SELENOO: variants seen among roughly 807,000 people sequenced by gnomAD.
SELENOO encodes the protein selenoprotein O.
In SELENOO, 74 loss-of-function variants were observed where a neutral mutation model predicts 58.7. That is an observed-to-expected ratio of 1.26 (90% confidence interval 1.04 to 1.53). The LOEUF is 1.53. Ranked by LOEUF, SELENOO falls within the 40% of genes most tolerant of loss-of-function variation. SELENOO has a pLI of 0.00. For missense variants in SELENOO, 1,149 were observed against 970.0 expected (o/e 1.18, Z -2.45); for synonymous variants, 543 against 453.2 (o/e 1.20, Z -2.52).
At chr22:50,206,685 G>A (rs968623488) in intron 2 of SELENOO, among the ~76,000 whole-genome samples, 165 bp downstream of exon 2, 3 of 152,194 alleles carry the variant, frequency 2.0e-5, no homozygotes, top group African/African-American at 4.8e-5. Flanking sequence ...GCCTGTCCGC[G>A]AAGTAGCTGC....
intron 5 of SELENOO, among the ~76,000 whole-genome samples, chr22:50,213,522 C>T (rs1423687795): frequency 4.7e-5 from 7 of 150,536 alleles, no homozygotes; most frequent in African/African-American, 1.2e-4. Flanking sequence ...GTCCTGTACC[C>T]GTGTGCCCTG....
chr22:50,205,748 G>A (rs6010202), intron 1 of SELENOO: 63,070 of 153,976 alleles, frequency 0.41, 12,951 homozygotes, highest in African/African-American at 0.45. Flanking sequence ...CCGGGGACCC[G>A]AAGACCTGTG....
Position 50,206,531 on chromosome 22 carries a change from G to C in SELENOO, c.758+11G>C, listed in dbSNP as rs141402017. On this transcript the variant is annotated intron_variant, in intron 2 of 8. Coordinates refer to ENST00000380903, the MANE Select transcript of SELENOO (RefSeq NM_031454.2). ...TTCCACTTTCATAAGGTAATGCCGG[G>C]GGCCTTTCGGCCTGTCTACACGCAC... 2.6e-3 allele frequency: 4,205 copies of C among 1,607,466 alleles called. 241 individuals carry two copies. The Admixed American group carries it at 0.069, about 26-fold the overall frequency.
intron 5 of SELENOO, among the ~76,000 whole-genome samples, chr22:50,214,386 G>A (rs1453275064): frequency 2.0e-5 from 3 of 152,240 alleles, no homozygotes; most frequent in East Asian, 1.9e-4. Flanking sequence ...TTGGGAGGCC[G>A]AGGCAGGCAG....
At chr22:50,210,065 C>A in intron 3 of SELENOO, 116 bp from the exon 4 acceptor site, 3 of 1,266,414 alleles carry the variant, frequency 2.4e-6, no homozygotes, top group Non-Finnish European at 3.3e-6. Context: ...CCAGAAACTG[C>A]AGAGTGAGAG....
At position 50,216,701 on chromosome 22, in the gene SELENOO, ATGATGC is replaced by A. The variant is rs2064415646; in HGVS notation, c.1522_1527del (p.Met508_Leu509del). The A allele has an allele frequency of 1.3e-6, 2 of 1,592,862 alleles. No individual in the cohort carries two copies. Among genetic ancestry groups the A allele is most frequent in the East Asian group, 4.6e-5 (2 of 43,836 alleles). ...CTGGCCTCTCCACAGGCAGCTATCCATGATGCTGATGCTGGCGCAGTCAAACCCGCA... is the reference window on the plus strand; with the variant it reads ...CTGGCCTCTCCACAGGCAGCTATCCATGATGCTGGCGCAGTCAAACCCGCA... On this transcript the variant is annotated inframe_deletion, in exon 7 of 9. Coordinates refer to ENST00000380903, the MANE Select transcript of SELENOO (RefSeq NM_031454.2).
chr22:50,216,305 G>A (rs2064410475), intron 6 of SELENOO, among the ~76,000 whole-genome samples: 1 of 152,242 alleles, frequency 6.6e-6, no homozygotes, highest in African/African-American at 2.4e-5. Context: ...CGGCCAGCAG[G>A]CCCTGCTGAG....
chr22:50,206,790 G>A (rs11913090), intron 2 of SELENOO, among the ~76,000 whole-genome samples: 21,437 of 152,132 alleles, frequency 0.14, 1,642 homozygotes, highest in South Asian at 0.27. Flanking sequence ...CCAGGCCCTC[G>A]TTGCAGCCAG....
Position 50,214,980 on chromosome 22 carries a change from T to A in SELENOO, c.1352-737T>A, listed in dbSNP as rs541421066. ...TCAGTCCATTCGCTTTCAAAGCAGT[T>A]ACTGAGGGGGAGCTTCTGCCATGTT... On this transcript the variant is annotated intron_variant, in intron 5 of 8. Coordinates refer to ENST00000380903, the MANE Select transcript of SELENOO (RefSeq NM_031454.2). Among the ~76,000 whole-genome samples the A allele has an allele frequency of 1.2e-4, 18 of 152,372 alleles. No homozygotes were observed. In the South Asian group the frequency reaches 3.5e-3, roughly 30 times the overall value.
At chr22:50,211,867 C>T (rs1224905400) in intron 5 of SELENOO, among the ~76,000 whole-genome samples, 2 of 152,168 alleles carry the variant, frequency 1.3e-5, no homozygotes, top group Non-Finnish European at 2.9e-5. Context: ...CCACACCCGG[C>T]TAATTTTGTA....
rs1438901621 is a variant in SELENOO, at chr22:50,201,303, G to A, written c.267G>A (p.Pro89=). Residue 89 remains proline (P), a synonymous_variant, in exon 1 of 9, where the codon CCG becomes CCA. Coordinates refer to ENST00000380903, the MANE Select transcript of SELENOO (RefSeq NM_031454.2). ...GCTTCACCCGCGTGCAGCCCACCCCGCTGCGGCAGCCGCGCCTCGTGGCGC... is the reference window on the plus strand; with the variant it reads ...GCTTCACCCGCGTGCAGCCCACCCCACTGCGGCAGCCGCGCCTCGTGGCGC... ...GACFTRVQPT[P]LRQPRLVALS... 3 of 1,106,738 alleles carry A rather than the reference G, an allele frequency of 2.7e-6. No individual in the cohort carries two copies. The highest frequency in any genetic ancestry group is 5.1e-5 in the Admixed American group (1 of 19,604). 68.6% of individuals were successfully genotyped at this position (1,106,738 alleles called of 1,614,324 possible). A position where few individuals can be genotyped will look rare whatever the true frequency, so the allele number is the denominator to read the frequency against.
chr22:50,210,634 C>T lies in SELENOO; in HGVS notation c.1074C>T (p.Tyr358=), dbSNP rs749037799. The change falls in exon 5 of 9, where the codon TAC becomes TAT. Residue 358 remains tyrosine (Y), a synonymous_variant. Transcript: ENST00000380903. ...DYGPFGFLDR[Y]DPDHVCNASD... Reference sequence around the variant, plus strand: ...GCTCTCTTGCCCCGTGTGGCAGGTACGACCCCGACCACGTGTGCAATGCCT... The same window carrying T: ...GCTCTCTTGCCCCGTGTGGCAGGTATGACCCCGACCACGTGTGCAATGCCT... 15 of 1,612,810 alleles carry T rather than the reference C, an allele frequency of 9.3e-6. No individual in the cohort carries two copies. Among genetic ancestry groups the T allele is most frequent in the Middle Eastern group, 1.7e-4 (1 of 6,056 alleles).
intron 2 of SELENOO, 62 bp from the exon 3 acceptor site, chr22:50,208,474 C>G: frequency 4.9e-6 from 7 of 1,439,218 alleles, no homozygotes; most frequent in Non-Finnish European, 6.6e-6. Context: ...TTTCCTTTTT[C>G]TTATTTTCAC....
chr22:50,208,083 T>C (rs1181726895), intron 2 of SELENOO, among the ~76,000 whole-genome samples: 1 of 151,700 alleles, frequency 6.6e-6, no homozygotes, highest in Non-Finnish European at 1.5e-5. Flanking sequence ...TCTGGTTGGT[T>C]GTTTGCTTTT....
intron 5 of SELENOO, among the ~76,000 whole-genome samples, chr22:50,211,902 C>T (rs931788409): frequency 2.0e-5 from 3 of 152,160 alleles, no homozygotes; most frequent in Non-Finnish European, 4.4e-5. Flanking sequence ...AGGGTTTCGC[C>T]GTGTTGGTCA....
rs570193944 is a variant in SELENOO, at chr22:50,206,444, C to T, written c.682C>T (p.Arg228Cys). 1.6e-5 allele frequency: 26 copies of T among 1,614,164 alleles called. No homozygotes were observed. The highest frequency in any genetic ancestry group is 6.7e-5 in the African/African-American group (5 of 75,050). ...CGTCACGTCCGAGTCCACGGTGGTG[C>T]GCGACGTGTTCTATGATGGTAATCC... ...ACVTSESTVV[R>C]DVFYDGNPKY... The change falls in exon 2 of 9, where the codon CGC becomes TGC. Residue 228 changes from arginine (R) to cysteine (C), a missense_variant. Transcript: ENST00000380903.
chr22:50,205,932 CGT>C (rs1363162807), intron 1 of SELENOO: 1 of 247,120 alleles, frequency 4.0e-6, no homozygotes, highest in Non-Finnish European at 7.9e-6. Context: ...TCAGCTGGCC[CGT>C]ACCGGGGCAC....
chr22:50,211,400 C>G (rs1404470085), intron 5 of SELENOO, among the ~76,000 whole-genome samples: 3 of 152,102 alleles, frequency 2.0e-5, no homozygotes, highest in African/African-American at 7.2e-5. Context: ...GTGGGTGACT[C>G]ACTGGGTTGC....
Position 50,208,792 on chromosome 22 carries a change from T to C in SELENOO, c.939+76T>C. On this transcript the variant is annotated intron_variant, in intron 3 of 8. Coordinates refer to ENST00000380903, the MANE Select transcript of SELENOO (RefSeq NM_031454.2). Reference sequence around the variant, plus strand: ...CACCTGTGTTGAAGACACCCTCATTTTGGCCGGGGGACAAAGGCTTTTACC... The same window carrying C: ...CACCTGTGTTGAAGACACCCTCATTCTGGCCGGGGGACAAAGGCTTTTACC... The C allele has an allele frequency of 2.8e-6, 4 of 1,429,442 alleles. No homozygotes were observed. In the South Asian group the frequency reaches 5.0e-5, roughly 18 times the overall value. 88.5% of individuals were successfully genotyped at this position (1,429,442 alleles called of 1,614,324 possible).
Sources: allele counts gnomAD v4.1 joint callset (sites outside exome capture counted in the v4.1 genomes callset), GRCh38; gene constraint gnomAD v4.1.1; transcripts MANE v1.5; gene names NCBI Gene and HGNC (gene_info 2026-07-23, HGNC 2026-07-21).